Variants in SNTG1 observed in about 807,000 individuals in gnomAD.
SNTG1 encodes gamma-1-syntrophin.
A neutral mutation model predicts 74.7 loss-of-function variants in SNTG1; 39 were observed. The observed-to-expected ratio is 0.52, with a 90% CI of 0.40 to 0.68. The LOEUF (loss-of-function observed/expected upper bound fraction) is 0.68, where lower values mean the gene tolerates loss of function less well. Ranked by LOEUF, SNTG1 falls within the 30% of genes least tolerant of loss-of-function variation. The pLI, the probability that SNTG1 is intolerant of heterozygous loss-of-function variation, is 0.00. For missense variants in SNTG1, 685 were observed against 609.5 expected, an observed-to-expected ratio of 1.12 and a Z score of -1.30; for synonymous variants, 254 against 217.1, an observed-to-expected ratio of 1.17 and a Z score of -1.49.
In SNTG1 at chr8:50,603,917, C is replaced by T. The variant is rs533347466; in HGVS notation, c.849+13000C>T. The stretch of plus-strand genomic sequence containing the variant: ...TCATTAGGACTGCACTGGGTCAAAC[C>T]CGAAGCCAGCAGAGCACTGAGTCTA... On this transcript the variant is annotated intron_variant, in intron 13 of 18. Transcript: ENST00000642720. Among the ~76,000 whole-genome samples, 3 of 152,278 alleles carry T rather than the reference C, an allele frequency of 2.0e-5. No homozygotes were observed. The South Asian group carries it at 6.2e-4, about 32-fold the overall frequency.
At chr8:50,618,130 A>C (rs1302692374) in intron 13 of SNTG1, among the ~76,000 whole-genome samples, 1 of 152,214 alleles carries the variant, frequency 6.6e-6, no homozygotes, top group Non-Finnish European at 1.5e-5. Context: ...AACTACTTAT[A>C]ATTTTGTGAT....
chr8:50,492,782 G>C (rs1239432437), intron 8 of SNTG1, among the ~76,000 whole-genome samples: 1 of 152,274 alleles, frequency 6.6e-6, no homozygotes, highest in East Asian at 1.9e-4. Flanking sequence ...ATTGCTTTTG[G>C]TGTTTTAGTC....
intron 2 of SNTG1, among the ~76,000 whole-genome samples, chr8:50,251,574 G>A (rs942729050): frequency 1.3e-5 from 2 of 151,338 alleles, no homozygotes; most frequent in Admixed American, 6.6e-5. Flanking sequence ...GCAGAGATAC[G>A]CATACTTATA....
intron 1 of SNTG1, among the ~76,000 whole-genome samples, chr8:49,956,089 A>G (rs747679329): frequency 3.9e-5 from 6 of 152,218 alleles, no homozygotes; most frequent in African/African-American, 7.2e-5. Flanking sequence ...ATTGCTATTT[A>G]TTTAACAGGT....
intron 2 of SNTG1, among the ~76,000 whole-genome samples, chr8:50,318,003 A>C (rs1343308371): frequency 1.3e-5 from 2 of 151,840 alleles, no homozygotes; most frequent in East Asian, 1.9e-4. Context: ...CGCCCGGCTA[A>C]TTTTTTGTAT....
At chr8:50,501,436 T>TTG (rs2093953033) in intron 8 of SNTG1, among the ~76,000 whole-genome samples, 2 of 126,314 alleles carry the variant, frequency 1.6e-5, no homozygotes, top group Non-Finnish European at 3.4e-5. Flanking sequence ...TTTTTTTTTT[T>TTG]TTTTTTTTTT....
rs374557954 is a variant in SNTG1 at position 50,082,966 on chromosome 8, A to G, written c.-102-89595A>G. Among the ~76,000 whole-genome samples, 5 of 152,162 alleles carry G rather than the reference A, an allele frequency of 3.3e-5. 1 individual carries two copies. Among genetic ancestry groups the G allele is most frequent in the African/African-American group, 9.6e-5 (4 of 41,510 alleles). On this transcript the variant is annotated intron_variant, in intron 1 of 18. Transcript: ENST00000642720. The stretch of plus-strand genomic sequence containing the variant: ...ATGGAGCCACTGACCTCTTTTTTCA[A>G]TTGCCACTGAGATTTCCAGTTTAAT...
chr8:50,101,444 A>G (rs912032277), intron 1 of SNTG1, among the ~76,000 whole-genome samples: 4 of 152,114 alleles, frequency 2.6e-5, no homozygotes, highest in African/African-American at 9.7e-5. Flanking sequence ...CAGCATCGTT[A>G]TTCTTTGAGT....
chr8:50,325,958 A>G (rs917985749), intron 2 of SNTG1, among the ~76,000 whole-genome samples: 3 of 150,862 alleles, frequency 2.0e-5, no homozygotes, highest in Non-Finnish European at 2.9e-5. Flanking sequence ...AAATTTTATC[A>G]TACTTTTTTT....
At chr8:50,513,144 C>T (rs1404997764) in intron 9 of SNTG1, among the ~76,000 whole-genome samples, 1 of 152,142 alleles carries the variant, frequency 6.6e-6, no homozygotes, top group Non-Finnish European at 1.5e-5. Flanking sequence ...AGTCAGAACC[C>T]TCAGCTGCTG....
chr8:50,015,315 T>G (rs1816209804), intron 1 of SNTG1, among the ~76,000 whole-genome samples: 1 of 151,954 alleles, frequency 6.6e-6, no homozygotes, highest in South Asian at 2.1e-4. Flanking sequence ...ATCAGGTAAC[T>G]TGATGATAGG....
chr8:50,170,682 T>C (rs1259973715), intron 1 of SNTG1, among the ~76,000 whole-genome samples: 1 of 152,208 alleles, frequency 6.6e-6, no homozygotes, highest in Non-Finnish European at 1.5e-5. Context: ...TTCTATGCAG[T>C]CTCACAATGC....
At chr8:50,293,328 T>G (rs1488664585) in intron 2 of SNTG1, among the ~76,000 whole-genome samples, 1 of 152,108 alleles carries the variant, frequency 6.6e-6, no homozygotes, top group Non-Finnish European at 1.5e-5. Flanking sequence ...ATGGTTTTCC[T>G]TCTACGTGTC....
rs375403295 is a variant in SNTG1 at position 50,167,569 on chromosome 8, G to C, written c.-102-4992G>C. On this transcript the variant is annotated intron_variant, in intron 1 of 18. Coordinates refer to ENST00000642720, the MANE Select transcript of SNTG1 (RefSeq NM_018967.5). ...CCCAGCACTTTGTGAGGCCTTGGCA[G>C]GCAGATTGCTTGAGCCCACGAGTTT... Among the ~76,000 whole-genome samples the C allele has an allele frequency of 1.6e-4, 24 of 151,520 alleles. 1 individual carries two copies. The South Asian group carries it at 4.8e-3, about 30-fold the overall frequency.
intron 1 of SNTG1, among the ~76,000 whole-genome samples, chr8:50,097,988 T>C (rs2079991178): frequency 6.6e-6 from 1 of 152,210 alleles, no homozygotes; most frequent in Non-Finnish European, 1.5e-5. Flanking sequence ...TATTTAGTTT[T>C]GGTGTGTGAA....
intron 1 of SNTG1, among the ~76,000 whole-genome samples, chr8:50,074,439 C>T (rs1285105918): frequency 2.0e-5 from 3 of 152,098 alleles, no homozygotes; most frequent in Admixed American, 2.0e-4. Context: ...GAGTTACTAA[C>T]TTACCTAATT....
At chr8:49,923,943 T>C (rs1022453110) in intron 1 of SNTG1, among the ~76,000 whole-genome samples, 1 of 152,182 alleles carries the variant, frequency 6.6e-6, no homozygotes, top group African/African-American at 2.4e-5. Flanking sequence ...CAGATGATAC[T>C]GAATCAAGAC....
intron 1 of SNTG1, among the ~76,000 whole-genome samples, chr8:49,949,555 A>C (rs940948588): frequency 1.3e-5 from 2 of 152,170 alleles, no homozygotes; most frequent in African/African-American, 2.4e-5. Flanking sequence ...CCTGGCCTTC[A>C]TGTAGCTCAT....
intron 13 of SNTG1, among the ~76,000 whole-genome samples, chr8:50,629,417 T>C (rs1460091065): frequency 6.6e-6 from 1 of 152,120 alleles, no homozygotes; most frequent in Non-Finnish European, 1.5e-5. Context: ...CACTCAAATC[T>C]ATAGAGAAAG....
Sources: gnomAD v4.1 joint callset for allele counts (sites outside exome capture counted in the v4.1 genomes callset) on GRCh38, gnomAD v4.1.1 for gene constraint, MANE v1.5 for transcripts, NCBI Gene and HGNC (gene_info 2026-07-23, HGNC 2026-07-21) for gene names.